The following ADGRB1 variants were observed in gnomAD, a reference collection of about 807,000 sequenced individuals.
ADGRB1 encodes brain-specific angiogenesis inhibitor 1.
Under a neutral mutation model 175.7 loss-of-function variants are expected in ADGRB1, and 36 were observed. The observed-to-expected ratio is 0.20, with a 90% CI of 0.16 to 0.27. The LOEUF is 0.27. ADGRB1 is among the 10% of genes least tolerant of loss of function. ADGRB1 has a pLI of 1.00. For synonymous variants in ADGRB1, 1,054 were observed against 979.4 expected, an observed-to-expected ratio of 1.08 and a Z score of -1.42; for missense variants, 1,731 against 2,255.3, an observed-to-expected ratio of 0.77 and a Z score of 4.71.
chr8:142,464,531 G>A lies in ADGRB1; in HGVS notation c.333G>A (p.Thr111=). Residue 111 remains threonine (T), a synonymous_variant, in exon 2 of 31, where the codon ACG becomes ACA. Coordinates refer to ENST00000517894, the MANE Select transcript of ADGRB1 (RefSeq NM_001702.3). ...TYQFDSFLES[T]RTYLGVESFD... ...AGTTCGACTCCTTCCTCGAGTCCAC[G>A]CGCACCTACCTGGGCGTGGAGAGCT... 2 of 1,571,680 alleles carry A rather than the reference G, an allele frequency of 1.3e-6. No homozygotes were observed. Among genetic ancestry groups the A allele is most frequent in the South Asian group, 1.2e-5 (1 of 85,696 alleles).
At chr8:142,515,799 A>G (rs1239316307) in intron 18 of ADGRB1, among the ~76,000 whole-genome samples, 3 of 152,228 alleles carry the variant, frequency 2.0e-5, no homozygotes, top group Non-Finnish European at 4.4e-5. Context: ...TGGGACTTCA[A>G]TTCCAGAGGA....
chr8:142,510,993 C>A lies in ADGRB1; in HGVS notation c.2737C>A (p.Pro913Thr). 1 of 1,306,032 alleles carries A rather than the reference C, an allele frequency of 7.7e-7. No homozygotes were observed. Among genetic ancestry groups the A allele is most frequent in the Admixed American group, 2.7e-5 (1 of 36,872 alleles). 80.9% of individuals were successfully genotyped at this position (1,306,032 alleles called of 1,614,324 possible). The change falls in exon 18 of 31, where the codon CCC becomes ACC. Residue 913 changes from proline to threonine, a missense_variant. Pro to Thr is a conservative substitution (Grantham distance 38). Coordinates refer to ENST00000517894, the MANE Select transcript of ADGRB1 (RefSeq NM_001702.3). This position sits in a 1 kb window ranked among gnomAD's most constrained non-coding sequence, Gnocchi z 6.3. Reference sequence around the variant, plus strand: ...GTCGTGGCGCGGCTGCCGCACGGTGCCCCTCGACGCCCTCCGGACGCGCTG... The same window carrying A: ...GTCGTGGCGCGGCTGCCGCACGGTGACCCTCGACGCCCTCCGGACGCGCTG... Reference protein sequence around the residue: ...PWSWRGCRTVPLDALRTRCLC... With the variant: ...PWSWRGCRTVTLDALRTRCLC...
chr8:142,539,152 G>T (rs13276323), intron 26 of ADGRB1, among the ~76,000 whole-genome samples: 6 of 151,978 alleles, frequency 3.9e-5, no homozygotes, highest in African/African-American at 1.4e-4. Flanking sequence ...AAACACGCAC[G>T]CATACACTCA....
At chr8:142,478,038 G>C (rs1841083042) in intron 6 of ADGRB1, 149 bp from the exon 7 acceptor site, 1 of 1,034,648 alleles carries the variant, frequency 9.7e-7, no homozygotes, top group Non-Finnish European at 1.4e-6. Context: ...GTCACAGGCT[G>C]GCCGTGGGTG....
chr8:142,526,503 G>GGCCCCCCCCCCCCACC, intron 23 of ADGRB1, 39 bp from the exon 24 acceptor site: 1 of 1,259,266 alleles, frequency 7.9e-7, no homozygotes, highest in Non-Finnish European at 1.1e-6. Context: ...GCCTACGGCG[G>GGCCCCCCCCCCCCACC]CCCCCACCCC....
intron 9 of ADGRB1, 22 bp downstream of exon 9, chr8:142,479,816 G>T: frequency 6.3e-7 from 1 of 1,598,840 alleles, no homozygotes; most frequent in Non-Finnish European, 8.5e-7. Context: ...AGAGCACGTG[G>T]TGTATGGGGG....
At chr8:142,489,557 G>T in intron 16 of ADGRB1, 119 bp downstream of exon 16, 1 of 1,131,002 alleles carries the variant, frequency 8.8e-7, no homozygotes, top group African/African-American at 1.5e-5. Context: ...ACCTTCGAGA[G>T]CTACTTTTAT....
chr8:142,488,608 G>A, intron 14 of ADGRB1, 101 bp downstream of exon 14: 1 of 1,480,308 alleles, frequency 6.8e-7, no homozygotes, highest in African/African-American at 1.4e-5. Flanking sequence ...CCTCAGAGTT[G>A]GGCGGTTCTC....
At chr8:142,469,433 ATGAG>A (rs780542126) in intron 2 of ADGRB1, among the ~76,000 whole-genome samples, 5 of 115,996 alleles carry the variant, frequency 4.3e-5, no homozygotes, top group Admixed American at 8.6e-5. Flanking sequence ...GCACGTGTGA[ATGAG>A]TGTGTGCACG....
rs1397220458 is a variant in ADGRB1 at position 142,542,435 on chromosome 8, G to A, written c.4201G>A (p.Gly1401Ser). 1.6e-5 allele frequency: 19 copies of A among 1,188,096 alleles called. No individual in the cohort carries two copies. The highest frequency in any genetic ancestry group is 5.5e-5 in the South Asian group (4 of 72,686). The allele number at this position is 1,188,096 out of a possible 1,614,324, so 73.6% of individuals were successfully genotyped here. Residue 1401 changes from glycine (G) to serine (S), a missense_variant, in exon 28 of 31, where the codon GGC (glycine) becomes AGC (serine). Transcript: ENST00000517894. This position sits in a 1 kb window ranked among gnomAD's most constrained non-coding sequence, Gnocchi z 6.3. ...CCCGCCCTCCCGCCAGCCCCCCAGC[G>A]GCGGGCCCCCCGAGGCACCCCCTGC... is the stretch of plus-strand genomic sequence containing the variant. ...RSPPSRQPPS[G>S]GPPEAPPAQP...
At chr8:142,471,155 A>G (rs1023047809) in intron 2 of ADGRB1, among the ~76,000 whole-genome samples, 1 of 152,214 alleles carries the variant, frequency 6.6e-6, no homozygotes, top group Non-Finnish European at 1.5e-5. Context: ...AGAAAAATCT[A>G]GAAAACAAGA....
Position 142,506,967 on chromosome 8 carries a change from C to A in ADGRB1, c.2676-3965C>A, listed in dbSNP as rs188232778. ...GTTGCCCCTGACGGTCCCTTGCAGA[C>A]CTGCATTTCAGTCAAGGTTCAGATG... is the stretch of plus-strand genomic sequence containing the variant. On this transcript the variant is annotated intron_variant, in intron 17 of 30. Transcript: ENST00000517894. Among the ~76,000 whole-genome samples the A allele has an allele frequency of 3.9e-5, 6 of 152,318 alleles. No individual in the cohort carries two copies. In the East Asian group the frequency reaches 5.8e-4, roughly 15 times the overall value.
chr8:142,449,856 G>T lies in ADGRB1; in HGVS notation c.-468G>T. 1 of 147,244 alleles carries T rather than the reference G, an allele frequency of 6.8e-6. No homozygotes were observed. The highest frequency in any genetic ancestry group is 2.0e-4 in the South Asian group (1 of 4,886). The allele number at this position is 147,244 out of a possible 1,614,324, so 9.1% of individuals were successfully genotyped here. On this transcript the variant is annotated 5_prime_UTR_variant, in exon 1 of 31. Coordinates refer to ENST00000517894, the MANE Select transcript of ADGRB1 (RefSeq NM_001702.3). The stretch of plus-strand genomic sequence containing the variant: ...GCATCGTCCGCAGCGCGGGCATCCG[G>T]ACCCTCCGGGCGCCCGGGGGGCTCC...
intron 14 of ADGRB1, 32 bp from the exon 15 acceptor site, chr8:142,489,003 C>T (rs776640822): frequency 8.1e-6 from 13 of 1,602,040 alleles, no homozygotes; most frequent in Admixed American, 3.4e-5. Flanking sequence ...GTGGGGATGG[C>T]GGGCCGGGGT....
Position 142,525,532 on chromosome 8 carries a change from G to A in ADGRB1, c.3313-1010G>A, listed in dbSNP as rs763880775. Among the ~76,000 whole-genome samples, 7 of 152,112 alleles carry A rather than the reference G, an allele frequency of 4.6e-5. No homozygotes were observed. In the East Asian group the frequency reaches 7.7e-4, roughly 17 times the overall value. On this transcript the variant is annotated intron_variant, in intron 23 of 30. Transcript: ENST00000517894. ...GTGTCCATCCTCTCTTCTCTGCTCCGGCCACATCAGAAAAGTAGGCTGCCC... is the reference window on the plus strand; with the variant it reads ...GTGTCCATCCTCTCTTCTCTGCTCCAGCCACATCAGAAAAGTAGGCTGCCC...
At chr8:142,477,863 C>T (rs1215650536) in intron 6 of ADGRB1, among the ~76,000 whole-genome samples, 14 of 151,820 alleles carry the variant, frequency 9.2e-5, no homozygotes, top group Non-Finnish European at 1.0e-4. Context: ...ACCCATGTCC[C>T]AGGCTGGGTG....
chr8:142,500,611 G>C (rs1195103900), intron 17 of ADGRB1, among the ~76,000 whole-genome samples: 1 of 151,934 alleles, frequency 6.6e-6, no homozygotes. Flanking sequence ...AGCAGAAAAG[G>C]CTTCATCAAA....
intron 13 of ADGRB1, among the ~76,000 whole-genome samples, chr8:142,487,072 A>T (rs1180407654): frequency 6.6e-6 from 1 of 152,174 alleles, no homozygotes; most frequent in Non-Finnish European, 1.5e-5. Context: ...TCAGCTAGAA[A>T]CATCAACACG....
Position 142,537,103 on chromosome 8 carries a change from A to G in ADGRB1, c.3666+21A>G. The G allele has an allele frequency of 6.9e-7, 1 of 1,458,086 alleles. No individual in the cohort carries two copies. Among genetic ancestry groups the G allele is most frequent in the Non-Finnish European group, 9.1e-7 (1 of 1,100,892 alleles). The allele number at this position is 1,458,086 out of a possible 1,614,324, so 90.3% of individuals were successfully genotyped here. A position where few individuals can be genotyped will look rare whatever the true frequency, so the allele number is the denominator to read the frequency against. ...TCATGGTAGGACTCAGGGCCCGGGG[A>G]CTCAGGCTGCCCTACCTGCCTCGTA... On this transcript the variant is annotated intron_variant, in intron 26 of 30. Transcript: ENST00000517894. The surrounding 1 kb of genome is among the most constrained non-coding windows in gnomAD (Gnocchi z 4.6).
Sources: gnomAD v4.1 joint callset for allele counts (sites outside exome capture counted in the v4.1 genomes callset) on GRCh38, gnomAD v4.1.1 for gene constraint, Gnocchi (gnomAD v3.1) non-coding constraint, MANE v1.5 for transcripts, NCBI Gene and HGNC (gene_info 2026-07-23, HGNC 2026-07-21) for gene names.